Variants in TTC12 observed in about 807,000 individuals in gnomAD.
TTC12 encodes the protein tetratricopeptide repeat protein 12.
TTC12 carries 70 observed loss-of-function variants against 90.1 expected under a neutral mutation model. The observed-to-expected ratio is 0.78, with a 90% CI of 0.64 to 0.95. The LOEUF (loss-of-function observed/expected upper bound fraction) is 0.95, where lower values mean the gene tolerates loss of function less well. Ranked by LOEUF, TTC12 falls within the 40% of genes least tolerant of loss-of-function variation. The probability of loss-of-function intolerance (pLI) is 0.00; values close to 1 mark genes in which losing one functional copy is unlikely to be tolerated. For missense variants in TTC12, 819 were observed against 846.1 expected, an observed-to-expected ratio of 0.97 and a Z score of 0.40; for synonymous variants, 296 against 311.5, an observed-to-expected ratio of 0.95 and a Z score of 0.53.
intron 14 of TTC12, among the ~76,000 whole-genome samples, chr11:113,350,787 C>T (rs376696766): frequency 1.4e-4 from 21 of 152,272 alleles, no homozygotes; most frequent in Non-Finnish European, 2.8e-4. Context: ...AGCTCACAGG[C>T]AGGCCAGCCA....
At chr11:113,352,654 C>T (rs1565616008) in intron 16 of TTC12, among the ~76,000 whole-genome samples, 1 of 152,138 alleles carries the variant, frequency 6.6e-6, no homozygotes, top group Non-Finnish European at 1.5e-5. Context: ...CTCTATATGA[C>T]CACGTGTTCT....
At chr11:113,335,110 C>A in intron 8 of TTC12, 73 bp downstream of exon 8, 1 of 1,074,418 alleles carries the variant, frequency 9.3e-7, no homozygotes, top group Non-Finnish European at 1.4e-6. Flanking sequence ...AGAGGAGAAC[C>A]ATGATTCTCC....
chr11:113,341,955 A>G (rs1555146308), intron 12 of TTC12, 30 bp downstream of exon 12: 2 of 1,568,932 alleles, frequency 1.3e-6, no homozygotes, highest in South Asian at 2.2e-5. Context: ...GTTGATCACC[A>G]TTAATGCGCT....
intron 16 of TTC12, among the ~76,000 whole-genome samples, chr11:113,357,784 A>G (rs1338166977): frequency 2.0e-5 from 3 of 152,168 alleles, no homozygotes; most frequent in Non-Finnish European, 2.9e-5. Flanking sequence ...TGGCTTCTCT[A>G]GGTTAAGAAT....
At chr11:113,320,915 T>C (rs1205493050) in intron 2 of TTC12, among the ~76,000 whole-genome samples, 1 of 152,218 alleles carries the variant, frequency 6.6e-6, no homozygotes, top group East Asian at 1.9e-4. Context: ...TGGTGGTGTG[T>C]GCCTGTAGTC....
At chr11:113,353,620 A>G (rs1949441890) in intron 16 of TTC12, among the ~76,000 whole-genome samples, 1 of 152,166 alleles carries the variant, frequency 6.6e-6, no homozygotes, top group Non-Finnish European at 1.5e-5. Flanking sequence ...TCTTTATTCC[A>G]TCTTGAGTTA....
chr11:113,318,150 CAA>C (rs1297489182), intron 2 of TTC12, among the ~76,000 whole-genome samples: 1 of 152,152 alleles, frequency 6.6e-6, no homozygotes, highest in Non-Finnish European at 1.5e-5. Context: ...AGAATACAGT[CAA>C]AGAATTATTC....
chr11:113,315,325 G>A (rs1331597212), intron 1 of TTC12: 4 of 152,146 alleles, frequency 2.6e-5, no homozygotes, highest in Admixed American at 2.6e-4. Context: ...GGCTCGGAGA[G>A]GTTGTGAATT....
intron 11 of TTC12, among the ~76,000 whole-genome samples, chr11:113,341,151 A>T (rs1371054539): frequency 6.6e-6 from 1 of 152,184 alleles, no homozygotes; most frequent in Non-Finnish European, 1.5e-5. Context: ...AATCGCTTGA[A>T]TCTGAGAGGC....
intron 16 of TTC12, 99 bp downstream of exon 16, chr11:113,352,306 G>C: frequency 6.6e-7 from 1 of 1,509,428 alleles, no homozygotes. Context: ...GTTTCTGTGG[G>C]TGTTGGATGG....
intron 7 of TTC12, among the ~76,000 whole-genome samples, chr11:113,333,463 G>A (rs1948176031): frequency 6.6e-6 from 1 of 151,814 alleles, no homozygotes; most frequent in Non-Finnish European, 1.5e-5. Context: ...GCTTTTTTCT[G>A]TAGCACCTTT....
At chr11:113,371,039 C>T (rs757355997), downstream of TTC12, among the ~76,000 whole-genome samples, 22 of 152,050 alleles carry the variant, frequency 1.4e-4, no homozygotes, top group Non-Finnish European at 2.8e-4. Context: ...GGTGAGTTAA[C>T]GTGCAAGGTG....
intron 2 of TTC12, among the ~76,000 whole-genome samples, chr11:113,322,180 A>G (rs1947377806): frequency 2.6e-5 from 4 of 152,340 alleles, no homozygotes; most frequent in African/African-American, 9.6e-5. Flanking sequence ...CTCAGTGGGA[A>G]ATGAAGAAAT....
chr11:113,324,561 A>G, intron 4 of TTC12, 44 bp from the exon 5 acceptor site: 1 of 1,535,960 alleles, frequency 6.5e-7, no homozygotes, highest in South Asian at 1.1e-5. Context: ...TGATTATAGT[A>G]TTTGGATTTT....
intron 16 of TTC12, 64 bp from the exon 17 acceptor site, chr11:113,359,299 A>G: frequency 9.1e-7 from 1 of 1,101,226 alleles, no homozygotes; most frequent in South Asian, 1.4e-5. Context: ...TGTCCAAGGG[A>G]AAAGATGACC....
intron 5 of TTC12, among the ~76,000 whole-genome samples, 169 bp from the exon 6 acceptor site, chr11:113,325,355 T>C (rs1224904602): frequency 6.6e-6 from 1 of 152,116 alleles, no homozygotes; most frequent in Non-Finnish European, 1.5e-5. Flanking sequence ...AAAAAAATAC[T>C]TGAAGAAGCT....
intron 6 of TTC12, among the ~76,000 whole-genome samples, chr11:113,328,135 A>G (rs1947807821): frequency 1.3e-5 from 2 of 152,118 alleles, no homozygotes; most frequent in African/African-American, 4.8e-5. Flanking sequence ...TGGCTTTATT[A>G]TTGGTTGCTG....
chr11:113,364,421 C>G, intron 20 of TTC12: 1 of 241,608 alleles, frequency 4.1e-6, no homozygotes, highest in Non-Finnish European at 8.2e-6. Flanking sequence ...ACCATGGAAG[C>G]GGCAAGCCTT....
chr11:113,316,746 C>T (rs1271660155), intron 2 of TTC12, among the ~76,000 whole-genome samples: 3 of 152,198 alleles, frequency 2.0e-5, no homozygotes, highest in African/African-American at 7.2e-5. Flanking sequence ...CTTTAGGATC[C>T]ATCAAATTAC....
Sources: gnomAD v4.1 joint callset for allele counts (sites outside exome capture counted in the v4.1 genomes callset) on GRCh38, gnomAD v4.1.1 for gene constraint, MANE v1.5 for transcripts, NCBI Gene and HGNC (gene_info 2026-07-23, HGNC 2026-07-21) for gene names.